Variants in FAM163B observed in about 807,000 individuals in gnomAD.
FAM163B encodes protein FAM163B.
FAM163B carries 4 observed loss-of-function variants against 7.6 expected under a neutral mutation model. The observed-to-expected ratio is 0.52, with a 90% CI of 0.26 to 1.20. The LOEUF (loss-of-function observed/expected upper bound fraction) is 1.20, where lower values mean the gene tolerates loss of function less well. Among genes scored for constraint, FAM163B ranks in the 50% most tolerant of loss-of-function variants. The pLI, the probability that FAM163B is intolerant of heterozygous loss-of-function variation, is 0.14. For missense variants in FAM163B, 250 were observed against 243.0 expected, an observed-to-expected ratio of 1.03 and a Z score of -0.19; for synonymous variants, 120 against 111.6, an observed-to-expected ratio of 1.07 and a Z score of -0.47.
At chr9:133,590,377 G>A (rs541256325) in intron 1 of FAM163B, among the ~76,000 whole-genome samples, 46 of 152,084 alleles carry the variant, frequency 3.0e-4, no homozygotes, top group African/African-American at 1.1e-3. Flanking sequence ...TTGCTGGAAC[G>A]ACCAGAGCTC....
At chr9:133,589,137 G>A (rs1045510890) in intron 1 of FAM163B, among the ~76,000 whole-genome samples, 4 of 152,118 alleles carry the variant, frequency 2.6e-5, no homozygotes, top group African/African-American at 7.2e-5. Flanking sequence ...GCTCCTGCCC[G>A]TGCCATCCTG....
rs369345825 is a variant in FAM163B, at chr9:133,606,611, G to A, written c.-24+2466C>T. On this transcript the variant is annotated intron_variant, in intron 1 of 2. Coordinates refer to ENST00000673969, the MANE Select transcript of FAM163B (RefSeq NM_001080515.3). This position sits in a 1 kb window ranked among gnomAD's most constrained non-coding sequence, Gnocchi z 4.0. ...GATGGGGATGCGGAATGATGCACCC[G>A]TGGTCTGGCCTGGAAACCACTCTCT... 5.3e-5 allele frequency among the ~76,000 whole-genome samples: 8 copies of A among 152,314 alleles called. No homozygotes were observed. Among genetic ancestry groups the A allele is most frequent in the South Asian group, 2.1e-4 (1 of 4,824 alleles).
intron 1 of FAM163B, among the ~76,000 whole-genome samples, chr9:133,608,297 C>T (rs1040175862): frequency 9.2e-5 from 14 of 152,208 alleles, no homozygotes; most frequent in Non-Finnish European, 1.6e-4. Context: ...CTGGCAGGAC[C>T]ACTTGTGCCC....
chr9:133,582,369 A>G (rs973820750), intron 1 of FAM163B, among the ~76,000 whole-genome samples: 5 of 152,360 alleles, frequency 3.3e-5, no homozygotes, highest in African/African-American at 9.6e-5. Context: ...TTTGATGTTC[A>G]AATGATCCCA....
chr9:133,578,743 C>T lies in FAM163B; in HGVS notation c.*279G>A. The T allele has an allele frequency of 4.2e-6, 2 of 479,474 alleles. No homozygotes were observed. The highest frequency in any genetic ancestry group is 7.0e-6 in the Non-Finnish European group (2 of 284,146). 29.7% of individuals were successfully genotyped at this position (479,474 alleles called of 1,614,324 possible). ...ATCAGGAGTAACGGTGGCCTCTGTG[C>T]CTGAGAGCCCTGGTGCATGCCCAGC... is the stretch of plus-strand genomic sequence containing the variant. On this transcript the variant is annotated 3_prime_UTR_variant, in exon 3 of 3. Transcript: ENST00000673969.
rs955956590 is a variant in FAM163B, at chr9:133,578,108, C to T, written c.*914G>A. ...CACACAAGATGGGGAGACTGAGGCC[C>T]AGGGGTGGGAAGGGCCAGCCAAGTC... On this transcript the variant is annotated 3_prime_UTR_variant, in exon 3 of 3. Coordinates refer to ENST00000673969, the MANE Select transcript of FAM163B (RefSeq NM_001080515.3). Among the ~76,000 whole-genome samples the T allele has an allele frequency of 1.3e-5, 2 of 152,056 alleles. No homozygotes were observed. The highest frequency in any genetic ancestry group is 2.9e-5 in the Non-Finnish European group (2 of 67,996).
At chr9:133,602,969 G>A (rs1831747902) in intron 1 of FAM163B, among the ~76,000 whole-genome samples, 1 of 152,178 alleles carries the variant, frequency 6.6e-6, no homozygotes, top group Non-Finnish European at 1.5e-5. Flanking sequence ...CCTAAATGTG[G>A]GCCCTCCTTT....
intron 1 of FAM163B, among the ~76,000 whole-genome samples, chr9:133,595,640 T>A (rs1056140616): frequency 6.6e-6 from 1 of 152,170 alleles, no homozygotes; most frequent in East Asian, 1.9e-4. Flanking sequence ...AGGCCTCAGG[T>A]TCCCCTTCCT....
In FAM163B at chr9:133,590,975, C is replaced by T. The variant is rs376093332; in HGVS notation, c.-23-10729G>A. On this transcript the variant is annotated intron_variant, in intron 1 of 2. Coordinates refer to ENST00000673969, the MANE Select transcript of FAM163B (RefSeq NM_001080515.3). ...GGTACCAGCTCTGAAGCTCCTGGCC[C>T]TGCCCCCTGCGTTGGCAGAAAGCCT... Among the ~76,000 whole-genome samples the T allele has an allele frequency of 4.3e-3, 656 of 152,332 alleles. 1 individual carries two copies. Among genetic ancestry groups the T allele is most frequent in the Non-Finnish European group, 6.4e-3 (435 of 68,018 alleles).
intron 1 of FAM163B, among the ~76,000 whole-genome samples, chr9:133,602,222 G>C (rs3025327): frequency 0.065 from 9,935 of 152,262 alleles, 455 homozygotes; most frequent in Non-Finnish European, 0.11. Flanking sequence ...ATCTCCGGTG[G>C]ATGACGACGG....
chr9:133,590,476 A>C (rs1831535989), intron 1 of FAM163B, among the ~76,000 whole-genome samples: 1 of 152,078 alleles, frequency 6.6e-6, no homozygotes, highest in South Asian at 2.1e-4. Flanking sequence ...CGGCGCAGGC[A>C]CTTTGAGCAT....
At chr9:133,597,555 A>C (rs1391548862) in intron 1 of FAM163B, among the ~76,000 whole-genome samples, 2 of 152,190 alleles carry the variant, frequency 1.3e-5, no homozygotes, top group African/African-American at 4.8e-5. Flanking sequence ...AGCTGGTGCA[A>C]AAAACAATTA....
At chr9:133,592,317 G>T (rs1831564934) in intron 1 of FAM163B, among the ~76,000 whole-genome samples, 1 of 152,204 alleles carries the variant, frequency 6.6e-6, no homozygotes, top group South Asian at 2.1e-4. Context: ...AGGGAGCAGA[G>T]ATGCATCCCC....
At chr9:133,602,357 G>A (rs917413937) in intron 1 of FAM163B, among the ~76,000 whole-genome samples, 1 of 152,210 alleles carries the variant, frequency 6.6e-6, no homozygotes, top group Non-Finnish European at 1.5e-5. Flanking sequence ...GAATCCGGGT[G>A]GGATTGAGCT....
intron 1 of FAM163B, among the ~76,000 whole-genome samples, chr9:133,588,239 A>T (rs1032388480): frequency 4.6e-5 from 7 of 152,068 alleles, no homozygotes; most frequent in Admixed American, 4.6e-4. Flanking sequence ...AGATGGGGGA[A>T]CCACTGGCCC....
intron 1 of FAM163B, among the ~76,000 whole-genome samples, chr9:133,580,717 T>C (rs1438100928): frequency 6.6e-6 from 1 of 152,250 alleles, no homozygotes; most frequent in Non-Finnish European, 1.5e-5. Context: ...TTCTGCAACA[T>C]AGTCTCTAAC....
chr9:133,596,412 CG>C (rs984298998), intron 1 of FAM163B, among the ~76,000 whole-genome samples: 14 of 97,830 alleles, frequency 1.4e-4, no homozygotes, highest in Non-Finnish European at 2.8e-4. Context: ...TGGGCGGGGG[CG>C]GGGGTGGCTC....
intron 1 of FAM163B, among the ~76,000 whole-genome samples, chr9:133,592,359 A>G (rs528212387): frequency 6.6e-6 from 1 of 152,242 alleles, no homozygotes; most frequent in South Asian, 2.1e-4. Context: ...GGGAAAGTCA[A>G]CCTGAGCTCA....
At chr9:133,586,933 C>A (rs916496808) in intron 1 of FAM163B, among the ~76,000 whole-genome samples, 1 of 152,176 alleles carries the variant, frequency 6.6e-6, no homozygotes. Flanking sequence ...CAGGTGGTGG[C>A]GTGAACTGAG....
Sources: gnomAD v4.1 joint callset for allele counts (sites outside exome capture counted in the v4.1 genomes callset) on GRCh38, gnomAD v4.1.1 for gene constraint, Gnocchi (gnomAD v3.1) non-coding constraint, MANE v1.5 for transcripts, NCBI Gene and HGNC (gene_info 2026-07-23, HGNC 2026-07-21) for gene names.